The following NFATC1 variants were observed in gnomAD, a reference collection of about 807,000 sequenced individuals.
NFATC1 encodes the protein nuclear factor of activated T-cells, cytoplasmic 1.
A neutral mutation model predicts 76.0 loss-of-function variants in NFATC1; 22 were observed. That is an observed-to-expected ratio of 0.29 (90% confidence interval 0.21 to 0.41). The LOEUF (loss-of-function observed/expected upper bound fraction) is 0.41, where lower values mean the gene tolerates loss of function less well. Ranked by LOEUF, NFATC1 falls within the 10% of genes least tolerant of loss-of-function variation. The probability of loss-of-function intolerance (pLI) is 1.00; values close to 1 mark genes in which losing one functional copy is unlikely to be tolerated. For missense variants in NFATC1, 1,357 were observed against 1,337.7 expected (o/e 1.01, Z -0.23); for synonymous variants, 704 against 613.1 (o/e 1.15, Z -2.19).
At chr18:79,438,176 T>A (rs888093719) in intron 3 of NFATC1, among the ~76,000 whole-genome samples, 1 of 152,194 alleles carries the variant, frequency 6.6e-6, no homozygotes, top group Admixed American at 6.5e-5. Flanking sequence ...CTTGCTTTCC[T>A]CCTCTCTGTT....
intron 3 of NFATC1, among the ~76,000 whole-genome samples, chr18:79,440,681 T>C (rs2086940095): frequency 6.6e-6 from 1 of 152,210 alleles, no homozygotes; most frequent in African/African-American, 2.4e-5. Context: ...CTGTCTGCAC[T>C]GTCCAGTGCT....
chr18:79,477,083 G>A (rs2089103807), intron 8 of NFATC1, among the ~76,000 whole-genome samples: 1 of 152,202 alleles, frequency 6.6e-6, no homozygotes, highest in African/African-American at 2.4e-5. Context: ...TCTTGGCTCT[G>A]AACAAGGAGA....
chr18:79,503,569 G>C (rs780277794), intron 9 of NFATC1, among the ~76,000 whole-genome samples: 1 of 152,154 alleles, frequency 6.6e-6, no homozygotes, highest in Non-Finnish European at 1.5e-5. Context: ...CATGGGTGGC[G>C]CACAGGCAGA....
intron 8 of NFATC1, among the ~76,000 whole-genome samples, chr18:79,477,430 C>G (rs1236865230): frequency 1.3e-5 from 2 of 152,236 alleles, no homozygotes; most frequent in Non-Finnish European, 2.9e-5. Context: ...CTGCAGCCTG[C>G]AGGCAGCTCA....
chr18:79,527,147 G>A (rs1325961672), intron 9 of NFATC1: 2 of 180,918 alleles, frequency 1.1e-5, no homozygotes, highest in Non-Finnish European at 2.3e-5. Flanking sequence ...GCCTGAGAGG[G>A]AGGCTCAGGC....
intron 8 of NFATC1, among the ~76,000 whole-genome samples, chr18:79,472,187 C>T (rs556058102): frequency 1.2e-4 from 19 of 152,208 alleles, no homozygotes; most frequent in African/African-American, 2.2e-4. Flanking sequence ...CTGAGGTCCC[C>T]GTGCACAGAT....
At chr18:79,489,711 A>G (rs1436931544) in intron 9 of NFATC1, among the ~76,000 whole-genome samples, 1 of 152,164 alleles carries the variant, frequency 6.6e-6, no homozygotes, top group African/African-American at 2.4e-5. Flanking sequence ...CACCAACCAC[A>G]GTCATCTCGT....
intron 1 of NFATC1, chr18:79,400,484 G>C (rs1358403859): frequency 5.4e-6 from 8 of 1,477,756 alleles, no homozygotes; most frequent in Non-Finnish European, 7.2e-6. Flanking sequence ...CCCCAGGTGG[G>C]TCAGTCCCGG....
chr18:79,425,146 T>TGTCTCTCTCC (rs1342010055), intron 2 of NFATC1, among the ~76,000 whole-genome samples: 1 of 151,926 alleles, frequency 6.6e-6, no homozygotes, highest in African/African-American at 2.4e-5. Flanking sequence ...TGCCTCTCTG[T>TGTCTCTCTCC]GTCTCTCTCC....
rs921065823 is a variant in NFATC1, at chr18:79,405,145, C to A, written c.128-5258C>A. Among the ~76,000 whole-genome samples the A allele has an allele frequency of 1.2e-3, 178 of 152,286 alleles. 1 individual carries two copies. The highest frequency in any genetic ancestry group is 4.2e-3 in the African/African-American group (174 of 41,550). On this transcript the variant is annotated intron_variant, in intron 1 of 9. Coordinates refer to ENST00000427363, the MANE Select transcript of NFATC1 (RefSeq NM_001278669.2). ...TGTCGTGGGGCACCTGATGGCTGAG[C>A]GAGCCGGTGAGGATCAGGGGACTCA...
intron 3 of NFATC1, among the ~76,000 whole-genome samples, chr18:79,443,611 C>T (rs568976638): frequency 1.3e-5 from 2 of 152,384 alleles, no homozygotes; most frequent in South Asian, 2.1e-4. Context: ...GTTCAGGCCT[C>T]AGCATGCAGC....
At chr18:79,431,852 G>GC (rs1157320230) in intron 2 of NFATC1, among the ~76,000 whole-genome samples, 7 of 152,120 alleles carry the variant, frequency 4.6e-5, no homozygotes, top group Non-Finnish European at 8.8e-5. Flanking sequence ...ACAGGCCTCC[G>GC]CCACCACGCC....
chr18:79,465,138 G>A lies in NFATC1; in HGVS notation c.1960-2312G>A, dbSNP rs146226740. Among the ~76,000 whole-genome samples the A allele has an allele frequency of 7.2e-5, 11 of 152,298 alleles. No homozygotes were observed. In the East Asian group the frequency reaches 1.2e-3, roughly 16 times the overall value. ...TAGGTGCTGGTGCCATTTGGAACCCGTATTTTTTCCGGTACAGACGAGTTT... is the reference window on the plus strand; with the variant it reads ...TAGGTGCTGGTGCCATTTGGAACCCATATTTTTTCCGGTACAGACGAGTTT... On this transcript the variant is annotated intron_variant, in intron 7 of 9. Coordinates refer to ENST00000427363, the MANE Select transcript of NFATC1 (RefSeq NM_001278669.2). The surrounding 1 kb of genome is among the most constrained non-coding windows in gnomAD (Gnocchi z 4.2).
chr18:79,484,972 T>TG (rs1207639698), intron 8 of NFATC1, among the ~76,000 whole-genome samples: 1 of 152,238 alleles, frequency 6.6e-6, no homozygotes, highest in Non-Finnish European at 1.5e-5. Context: ...CACCCAGCCG[T>TG]GGCGGGGAAC....
chr18:79,427,271 G>A (rs2086374629), intron 2 of NFATC1, among the ~76,000 whole-genome samples: 1 of 152,200 alleles, frequency 6.6e-6, no homozygotes, highest in Non-Finnish European at 1.5e-5. Flanking sequence ...TGTGTGGAAT[G>A]GACCCAGGGA....
At chr18:79,426,725 A>G (rs1286607435) in intron 2 of NFATC1, among the ~76,000 whole-genome samples, 2 of 152,260 alleles carry the variant, frequency 1.3e-5, no homozygotes, top group Non-Finnish European at 2.9e-5. Context: ...TGGAGGTTGC[A>G]TCTGGCTCAG....
At chr18:79,405,829 T>A (rs1395584007) in intron 1 of NFATC1, among the ~76,000 whole-genome samples, 3 of 152,202 alleles carry the variant, frequency 2.0e-5, no homozygotes, top group Non-Finnish European at 4.4e-5. Context: ...ATACTTCAGT[T>A]TAAATAAAGG....
At chr18:79,401,246 C>T (rs966801049) in intron 1 of NFATC1, among the ~76,000 whole-genome samples, 2 of 151,648 alleles carry the variant, frequency 1.3e-5, no homozygotes, top group South Asian at 4.2e-4. Flanking sequence ...TTCTCAAGGC[C>T]TCGTGTCTGC....
Position 79,410,787 on chromosome 18 carries a change from T to A in NFATC1, c.512T>A (p.Leu171Gln). 1 of 1,612,744 alleles carries A rather than the reference T, an allele frequency of 6.2e-7. No homozygotes were observed. Among genetic ancestry groups the A allele is most frequent in the Non-Finnish European group, 8.5e-7 (1 of 1,179,892 alleles). Residue 171 changes from leucine to glutamine, a missense_variant, in exon 2 of 10, where the codon CTG becomes CAG. This residue lies in a region of NFATC1 where 691 missense variants were observed against 613.1 expected (regional missense o/e 1.13). Transcript: ENST00000427363. The surrounding 1 kb of genome is among the most constrained non-coding windows in gnomAD (Gnocchi z 6.7). Reference protein sequence around the residue: ...SLEAYRDPSCLSPASSLSSRS... With the variant: ...SLEAYRDPSCQSPASSLSSRS... ...GAGGCCTACAGAGACCCCTCGTGCC[T>A]GAGCCCGGCCAGCAGCCTGTCCTCC...
Sources: allele counts gnomAD v4.1 joint callset (sites outside exome capture counted in the v4.1 genomes callset), GRCh38; gene constraint gnomAD v4.1.1; regional missense constraint gnomAD v4.1.1; non-coding constraint Gnocchi (gnomAD v3.1); transcripts MANE v1.5; gene names NCBI Gene and HGNC (gene_info 2026-07-23, HGNC 2026-07-21).